The following PCSK6 variants were observed in gnomAD, a reference collection of about 807,000 sequenced individuals.
PCSK6 encodes the protein proprotein convertase subtilisin/kexin type 6, also known as paired basic amino acid cleaving enzyme 4.
Under a neutral mutation model 123.3 loss-of-function variants are expected in PCSK6, and 85 were observed. The ratio of observed to expected loss-of-function variants is 0.69; its 90% CI spans 0.58 to 0.83. PCSK6 has a LOEUF of 0.83. Ranked by LOEUF, PCSK6 falls within the 40% of genes least tolerant of loss-of-function variation. The pLI, the probability that PCSK6 is intolerant of heterozygous loss-of-function variation, is 0.00. For missense variants in PCSK6, 1,191 were observed against 1,282.3 expected, an observed-to-expected ratio of 0.93 and a Z score of 1.09; for synonymous variants, 508 against 516.0, an observed-to-expected ratio of 0.98 and a Z score of 0.21.
rs2056613028 is a variant in PCSK6, at chr15:101,436,740, C to G, written c.403-4640G>C. Among the ~76,000 whole-genome samples the G allele has an allele frequency of 2.0e-5, 3 of 152,246 alleles. No individual in the cohort carries two copies. In the South Asian group the frequency reaches 6.2e-4, roughly 32 times the overall value. On this transcript the variant is annotated intron_variant, in intron 2 of 21. Transcript: ENST00000611716. Reference sequence around the variant, plus strand: ...ACCGGTCCCTCTCTCAGAGCTTGTGCACTCAACAGTCTGTGGCGCTTAGAT... The same window carrying G: ...ACCGGTCCCTCTCTCAGAGCTTGTGGACTCAACAGTCTGTGGCGCTTAGAT...
chr15:101,315,792 C>T (rs1195518996), intron 19 of PCSK6, among the ~76,000 whole-genome samples: 2 of 152,216 alleles, frequency 1.3e-5, no homozygotes, highest in East Asian at 1.9e-4. Flanking sequence ...GGGTAAGTCG[C>T]GTCCCACGGG....
intron 7 of PCSK6, among the ~76,000 whole-genome samples, chr15:101,396,734 A>G (rs2042423490): frequency 6.6e-6 from 1 of 152,122 alleles, no homozygotes; most frequent in South Asian, 2.1e-4. Context: ...CAGCAGCCTC[A>G]TTGAAGCTGC....
At chr15:101,417,620 T>C (rs575191566) in intron 6 of PCSK6, among the ~76,000 whole-genome samples, 1 of 152,214 alleles carries the variant, frequency 6.6e-6, no homozygotes, top group Non-Finnish European at 1.5e-5. Flanking sequence ...ATTAAACTAG[T>C]AAGAGGTGAT....
intron 1 of PCSK6, among the ~76,000 whole-genome samples, chr15:101,456,419 C>T (rs1326826566): frequency 1.3e-5 from 2 of 152,230 alleles, no homozygotes; most frequent in East Asian, 3.9e-4. Context: ...TTTTCTCAAG[C>T]CACTGCAGGT....
chr15:101,446,688 C>A (rs1318944587), intron 1 of PCSK6, among the ~76,000 whole-genome samples: 1 of 152,198 alleles, frequency 6.6e-6, no homozygotes, highest in Non-Finnish European at 1.5e-5. Flanking sequence ...CTGTGATGTA[C>A]AGCATTTGCT....
chr15:101,338,458 G>C (rs898248745), intron 13 of PCSK6, among the ~76,000 whole-genome samples: 1 of 152,192 alleles, frequency 6.6e-6, no homozygotes, highest in Non-Finnish European at 1.5e-5. Context: ...TCTTTGGGAA[G>C]GTAAGCCACA....
intron 6 of PCSK6, among the ~76,000 whole-genome samples, chr15:101,406,886 C>A (rs185697444): frequency 1.3e-5 from 2 of 152,212 alleles, no homozygotes; most frequent in African/African-American, 4.8e-5. Flanking sequence ...TAGCCAGCGA[C>A]GCTCCTTATG....
chr15:101,352,296 C>T lies in PCSK6; in HGVS notation c.1858+13900G>A, dbSNP rs192778775. Among the ~76,000 whole-genome samples the T allele has an allele frequency of 6.5e-3, 981 of 151,544 alleles. 9 individuals are homozygous for T. Among genetic ancestry groups the T allele is most frequent in the Non-Finnish European group, 9.3e-3 (627 of 67,780 alleles). ...CTGAGTAGCTGGGACTACAGGTGGC[C>T]GCCACTGCGCCCGGCTAATTTTTTG... On this transcript the variant is annotated intron_variant, in intron 13 of 21. Coordinates refer to ENST00000611716, the MANE Select transcript of PCSK6 (RefSeq NM_002570.5).
At chr15:101,341,392 GTTGGGATT>G (rs1371096691) in intron 13 of PCSK6, among the ~76,000 whole-genome samples, 1 of 151,864 alleles carries the variant, frequency 6.6e-6, no homozygotes, top group Non-Finnish European at 1.5e-5. Context: ...AGGATTAGTA[GTTGGGATT>G]ACAGGCGCCT....
At chr15:101,402,329 C>A (rs959652369) in intron 6 of PCSK6, among the ~76,000 whole-genome samples, 1 of 148,706 alleles carries the variant, frequency 6.7e-6, no homozygotes, top group Admixed American at 6.7e-5. Context: ...AGAAGAAAAC[C>A]TAGGCATTAC....
intron 20 of PCSK6, chr15:101,307,631 C>T (rs950384554): frequency 3.1e-6 from 1 of 319,354 alleles, no homozygotes; most frequent in South Asian, 3.6e-5. Flanking sequence ...CCCTCCTGGG[C>T]CCTGGCACCC....
At chr15:101,374,416 T>C (rs2041675726) in intron 11 of PCSK6, among the ~76,000 whole-genome samples, 1 of 152,218 alleles carries the variant, frequency 6.6e-6, no homozygotes, top group Admixed American at 6.5e-5. Context: ...ACTTTTCCTG[T>C]TCTACCTGGG....
chr15:101,385,101 C>T lies in PCSK6; in HGVS notation c.1311-676G>A, dbSNP rs185691650. Among the ~76,000 whole-genome samples, 178 of 152,234 alleles carry T rather than the reference C, an allele frequency of 1.2e-3. 1 individual carries two copies. Among genetic ancestry groups the T allele is most frequent in the African/African-American group, 4.0e-3 (168 of 41,540 alleles). Reference sequence around the variant, plus strand: ...GTGTGATCTTGGCTCACTGCAACCCCGACCTCCTGGGCTCAAGCAGTCTTC... The same window carrying T: ...GTGTGATCTTGGCTCACTGCAACCCTGACCTCCTGGGCTCAAGCAGTCTTC... On this transcript the variant is annotated intron_variant, in intron 9 of 21. Coordinates refer to ENST00000611716, the MANE Select transcript of PCSK6 (RefSeq NM_002570.5).
chr15:101,366,047 A>T, intron 13 of PCSK6, 149 bp downstream of exon 13: 1 of 811,696 alleles, frequency 1.2e-6, no homozygotes. Context: ...ACTTAAAAAT[A>T]ATTAAAATGG....
rs550179128 is a variant in PCSK6, at chr15:101,431,012, T to C, written c.657+308A>G. On this transcript the variant is annotated intron_variant, in intron 4 of 21. Coordinates refer to ENST00000611716, the MANE Select transcript of PCSK6 (RefSeq NM_002570.5). ...TGTTTTCACACTGTCACCCTGTCAC[T>C]GTTCGTGTTGCTACTATCTGTACGC... Among the ~76,000 whole-genome samples the C allele has an allele frequency of 2.0e-5, 3 of 152,350 alleles. No individual in the cohort carries two copies. In the East Asian group the frequency reaches 5.8e-4, roughly 29 times the overall value.
At chr15:101,325,768 C>T (rs899910711) in intron 16 of PCSK6, among the ~76,000 whole-genome samples, 1 of 152,218 alleles carries the variant, frequency 6.6e-6, no homozygotes, top group African/African-American at 2.4e-5. Flanking sequence ...CAGGGCCTGA[C>T]TGCAGAGGCC....
intron 19 of PCSK6, 130 bp from the exon 20 acceptor site, chr15:101,313,635 T>G: frequency 7.3e-7 from 1 of 1,378,386 alleles, no homozygotes; most frequent in Non-Finnish European, 9.7e-7. Context: ...ACAGCTGCCA[T>G]TTCCCAGGTT....
intron 1 of PCSK6, among the ~76,000 whole-genome samples, chr15:101,462,403 C>T (rs1189190940): frequency 6.6e-6 from 1 of 152,194 alleles, no homozygotes; most frequent in Non-Finnish European, 1.5e-5. Context: ...ATCCCAACAG[C>T]TTTTGTTTTG....
At chr15:101,346,652 G>C (rs753014858) in intron 13 of PCSK6, 1 of 723,332 alleles carries the variant, frequency 1.4e-6, no homozygotes, top group Non-Finnish European at 1.9e-6. Context: ...ATGCCCAAGC[G>C]TACCTCATTC....
Sources: allele counts gnomAD v4.1 joint callset (sites outside exome capture counted in the v4.1 genomes callset), GRCh38; gene constraint gnomAD v4.1.1; transcripts MANE v1.5; gene names NCBI Gene and HGNC (gene_info 2026-07-23, HGNC 2026-07-21).